Variants in ENTREP3 observed in about 807,000 individuals in gnomAD.
The protein encoded by ENTREP3 is protein ENTREP3.
chr1:155,253,625 C>G, the ENTREP3 span: 2 of 1,610,974 alleles, frequency 1.2e-6, no homozygotes, highest in Non-Finnish European at 1.7e-6. Flanking sequence ...CCCTTCTCAC[C>G]GTATGCACGA....
the ENTREP3 span, chr1:155,251,476 C>T: frequency 7.3e-5 from 114 of 1,569,668 alleles, no homozygotes; most frequent in Admixed American, 4.1e-4. Context: ...CTCCCCAGCC[C>T]GCCCCAAGCC....
the ENTREP3 span, chr1:155,251,626 T>A: frequency 6.2e-6 from 10 of 1,609,528 alleles, no homozygotes; most frequent in Non-Finnish European, 8.5e-6. Flanking sequence ...AGAGGGTCAA[T>A]GTAGGAGAAA....
At chr1:155,250,586 G>T in the ENTREP3 span, 1 of 1,604,904 alleles carries the variant, frequency 6.2e-7, no homozygotes, top group Non-Finnish European at 8.5e-7. This position sits in a 1 kb window ranked among gnomAD's most constrained non-coding sequence, Gnocchi z 5.4. Flanking sequence ...AGGAATAGGA[G>T]CGGGCAGCCC....
the ENTREP3 span, chr1:155,250,569 G>A: frequency 1.7e-5 from 27 of 1,596,766 alleles, no homozygotes; most frequent in East Asian, 2.2e-5. This position sits in a 1 kb window ranked among gnomAD's most constrained non-coding sequence, Gnocchi z 5.4. Context: ...AGCTTCAGGG[G>A]CAGAGCAGGA....
the ENTREP3 span, chr1:155,253,466 C>T: frequency 3.3e-6 from 2 of 604,580 alleles, no homozygotes; most frequent in East Asian, 5.7e-5. Context: ...ATCCTCCCCA[C>T]TAAACATCCA....
the ENTREP3 span, chr1:155,254,076 A>T: frequency 1.9e-6 from 3 of 1,613,748 alleles, no homozygotes; most frequent in African/African-American, 2.7e-5. This position sits in a 1 kb window ranked among gnomAD's most constrained non-coding sequence, Gnocchi z 4.4. Flanking sequence ...TCCCTCCTCA[A>T]ATCTCACCAG....
the ENTREP3 span, chr1:155,248,174 G>A: frequency 6.2e-7 from 1 of 1,613,156 alleles, no homozygotes; most frequent in Non-Finnish European, 8.5e-7. Context: ...GTGGGCAGGT[G>A]CAGGGCCCGA....
the ENTREP3 span, chr1:155,247,733 C>T: frequency 1.4e-6 from 2 of 1,452,156 alleles, no homozygotes; most frequent in Non-Finnish European, 9.1e-7. Context: ...CTGGTCCCAA[C>T]CAGCTGGTGC....
the ENTREP3 span, chr1:155,248,074 C>A: frequency 3.1e-6 from 5 of 1,614,148 alleles, no homozygotes; most frequent in African/African-American, 2.7e-5. Context: ...GAGCTCCAGT[C>A]CCACTGGGGT....
chr1:155,250,702 CG>C, the ENTREP3 span: 4 of 1,612,844 alleles, frequency 2.5e-6, no homozygotes, highest in African/African-American at 5.3e-5. This position sits in a 1 kb window ranked among gnomAD's most constrained non-coding sequence, Gnocchi z 5.4. Flanking sequence ...CGAAAGAGAA[CG>C]TAGTCCACGG....
the ENTREP3 span, chr1:155,251,810 C>T: frequency 6.3e-7 from 1 of 1,581,700 alleles, no homozygotes; most frequent in East Asian, 2.3e-5. Context: ...GGACAAATTC[C>T]TCCAGGTCCA....
the ENTREP3 span, chr1:155,247,640 A>G: frequency 1.2e-6 from 1 of 816,148 alleles, no homozygotes; most frequent in South Asian, 1.5e-5. Context: ...GAGACCCCAG[A>G]GGTAGGAGGG....
chr1:155,255,104 G>A, the ENTREP3 span: 53 of 593,042 alleles, frequency 8.9e-5, no homozygotes, highest in African/African-American at 9.3e-4. The surrounding 1 kb of genome is among the most constrained non-coding windows in gnomAD (Gnocchi z 5.6). Flanking sequence ...ACGGGCACTG[G>A]ACGGGCACCG....
At chr1:155,254,466 G>A in the ENTREP3 span, 1 of 1,614,160 alleles carries the variant, frequency 6.2e-7, no homozygotes, top group Non-Finnish European at 8.5e-7. The surrounding 1 kb of genome is among the most constrained non-coding windows in gnomAD (Gnocchi z 4.4). Flanking sequence ...GCTGGGGACA[G>A]AGTGGGCACA....
the ENTREP3 span, chr1:155,248,238 G>A: frequency 1.4e-5 from 22 of 1,604,140 alleles, no homozygotes; most frequent in African/African-American, 2.7e-5. Context: ...TCGGCTGACC[G>A]GGCACGTAGC....
chr1:155,252,053 CAGCTCTCCT>C, the ENTREP3 span: 7 of 569,226 alleles, frequency 1.2e-5, no homozygotes, highest in South Asian at 8.5e-5. Flanking sequence ...CACCCAAAAT[CAGCTCTCCT>C]TAACCCCACG....
At chr1:155,254,619 C>G in the ENTREP3 span, 1 of 1,596,130 alleles carries the variant, frequency 6.3e-7, no homozygotes, top group African/African-American at 1.3e-5. The surrounding 1 kb of genome is among the most constrained non-coding windows in gnomAD (Gnocchi z 4.4). Flanking sequence ...GCCCGAGGAG[C>G]CTCCCCCACC....
the ENTREP3 span, among the ~76,000 whole-genome samples, chr1:155,248,976 A>G: frequency 6.6e-6 from 1 of 151,944 alleles, no homozygotes; most frequent in African/African-American, 2.4e-5. Context: ...TTGGCCTCCC[A>G]AAGTGCTGGG....
chr1:155,254,494 G>A, the ENTREP3 span: 1 of 1,612,042 alleles, frequency 6.2e-7, no homozygotes, highest in Non-Finnish European at 8.5e-7. The surrounding 1 kb of genome is among the most constrained non-coding windows in gnomAD (Gnocchi z 4.4). Flanking sequence ...CCTGGCAGGG[G>A]AGGCTCCTGA....
Sources: allele counts gnomAD v4.1 joint callset (sites outside exome capture counted in the v4.1 genomes callset), GRCh38; gene constraint gnomAD v4.1.1; non-coding constraint Gnocchi (gnomAD v3.1); transcripts MANE v1.5; gene names NCBI Gene and HGNC (gene_info 2026-07-23, HGNC 2026-07-21).